The following AMOTL1 variants were observed in gnomAD, a reference collection of about 807,000 sequenced individuals.
AMOTL1 encodes the protein angiomotin-like protein 1.
Under a neutral mutation model 102.9 loss-of-function variants are expected in AMOTL1, and 45 were observed. The ratio of observed to expected loss-of-function variants is 0.44; its 90% confidence interval spans 0.34 to 0.56. The LOEUF (loss-of-function observed/expected upper bound fraction) is 0.56. AMOTL1 is among the 20% of genes least tolerant of loss of function. The pLI is 0.01. For synonymous variants in AMOTL1, 481 were observed against 484.7 expected (o/e 0.99, Z 0.10); for missense variants, 1,114 against 1,225.6 (o/e 0.91, Z 1.36).
intron 4 of AMOTL1, among the ~76,000 whole-genome samples, chr11:94,829,233 T>C (rs939178718): frequency 6.6e-6 from 1 of 151,734 alleles, no homozygotes; most frequent in Non-Finnish European, 1.5e-5. Context: ...TTTTTTTTTT[T>C]TTTTGGTGAG....
At chr11:94,855,113 A>G (rs1215583090) in intron 8 of AMOTL1, among the ~76,000 whole-genome samples, 2 of 152,208 alleles carry the variant, frequency 1.3e-5, no homozygotes, top group Non-Finnish European at 2.9e-5. Flanking sequence ...TTGGGATACC[A>G]GGGAAATGCA....
At chr11:94,718,708 TATTG>T (rs1173452776) in intron 1 of AMOTL1, among the ~76,000 whole-genome samples, 2 of 151,692 alleles carry the variant, frequency 1.3e-5, no homozygotes, top group African/African-American at 4.8e-5. Context: ...TTTGTTTATC[TATTG>T]ATTATCAGTT....
intron 1 of AMOTL1, among the ~76,000 whole-genome samples, chr11:94,777,165 A>AT (rs1185767092): frequency 6.6e-6 from 1 of 152,240 alleles, no homozygotes; most frequent in Non-Finnish European, 1.5e-5. Context: ...AGTAATTTTA[A>AT]AAGCATCACA....
At chr11:94,782,451 C>G (rs1951127514) in intron 1 of AMOTL1, among the ~76,000 whole-genome samples, 1 of 152,038 alleles carries the variant, frequency 6.6e-6, no homozygotes, top group Non-Finnish European at 1.5e-5. Flanking sequence ...TGAAATGTTT[C>G]AATGTATGGA....
chr11:94,864,988 C>T (rs1384451649), intron 10 of AMOTL1, 128 bp downstream of exon 10: 4 of 1,300,726 alleles, frequency 3.1e-6, no homozygotes, highest in South Asian at 2.2e-5. Flanking sequence ...TCTCCTCCCC[C>T]ATGCTGTGCC....
intron 6 of AMOTL1, among the ~76,000 whole-genome samples, chr11:94,836,161 A>G (rs1325268776): frequency 6.6e-6 from 1 of 152,228 alleles, no homozygotes; most frequent in Non-Finnish European, 1.5e-5. Flanking sequence ...TGACATAAAC[A>G]TTTATTCTGT....
At chr11:94,748,572 A>G (rs1591926351) in intron 3 of AMOTL1, among the ~76,000 whole-genome samples, 1 of 152,320 alleles carries the variant, frequency 6.6e-6, no homozygotes, top group East Asian at 1.9e-4. Context: ...AGTGGTTAAG[A>G]GCATGGGTAT....
At chr11:94,838,476 A>G (rs1258331894) in intron 6 of AMOTL1, among the ~76,000 whole-genome samples, 2 of 152,214 alleles carry the variant, frequency 1.3e-5, no homozygotes, top group Non-Finnish European at 2.9e-5. Flanking sequence ...CTGTCCCTGT[A>G]GCCCCAAAGC....
intron 1 of AMOTL1, among the ~76,000 whole-genome samples, chr11:94,789,055 G>A (rs1376660735): frequency 6.6e-6 from 1 of 152,156 alleles, no homozygotes; most frequent in Non-Finnish European, 1.5e-5. Context: ...TCCAAACCTC[G>A]GGTTTCAGGT....
intron 5 of AMOTL1, among the ~76,000 whole-genome samples, chr11:94,830,427 T>C (rs551526613): frequency 6.6e-6 from 1 of 152,384 alleles, no homozygotes; most frequent in East Asian, 1.9e-4. Flanking sequence ...ACAGCCTGTA[T>C]GCATGAGTCT....
Position 94,800,214 on chromosome 11 carries a change from C to T in AMOTL1, c.1024C>T (p.Leu342Phe), listed in dbSNP as rs1951450344. ...TTATGGTGACCAGCACCCCGGGATG[C>T]TCCACGAGATGGTCAAGCCCTACCC... ...LFYGDQHPGMLHEMVKPYPAP... is the reference protein window; with the variant it reads ...LFYGDQHPGMFHEMVKPYPAP... Residue 342 changes from leucine (L) to phenylalanine (F), a missense_variant, in exon 3 of 13, where the codon CTC (leucine) becomes TTC (phenylalanine). Physicochemically the swap from Leu to Phe is conservative, Grantham distance 22. Coordinates refer to ENST00000433060, the MANE Select transcript of AMOTL1 (RefSeq NM_130847.3). 1.2e-6 allele frequency: 2 copies of T among 1,613,994 alleles called. No individual in the cohort carries two copies. Among genetic ancestry groups the T allele is most frequent in the Non-Finnish European group, 1.7e-6 (2 of 1,179,890 alleles).
chr11:94,807,427 T>C (rs1372724534), intron 3 of AMOTL1, among the ~76,000 whole-genome samples: 1 of 152,232 alleles, frequency 6.6e-6, no homozygotes, highest in Non-Finnish European at 1.5e-5. Flanking sequence ...GCTGATTTTT[T>C]GGTTTATCCA....
intron 1 of AMOTL1, among the ~76,000 whole-genome samples, chr11:94,772,387 G>A (rs1263822748): frequency 6.6e-6 from 1 of 152,056 alleles, no homozygotes; most frequent in African/African-American, 2.4e-5. Flanking sequence ...TCCTCACTCT[G>A]TTGCTAAATG....
chr11:94,748,995 T>A (rs1024589508), intron 3 of AMOTL1, among the ~76,000 whole-genome samples: 3 of 152,200 alleles, frequency 2.0e-5, no homozygotes, highest in African/African-American at 7.2e-5. Flanking sequence ...TGCATTAGGG[T>A]TCTCCAGAGA....
At chr11:94,783,803 C>T (rs748961085) in intron 1 of AMOTL1, among the ~76,000 whole-genome samples, 6 of 152,214 alleles carry the variant, frequency 3.9e-5, no homozygotes, top group Non-Finnish European at 8.8e-5. Context: ...GGCAGATGCT[C>T]ACTGTCATAT....
chr11:94,869,524 G>A (rs1327054822), intron 12 of AMOTL1, 51 bp downstream of exon 12: 3 of 1,511,118 alleles, frequency 2.0e-6, no homozygotes, highest in Non-Finnish European at 1.8e-6. Flanking sequence ...GAACTGTCTG[G>A]CCTAAGAGAA....
rs867806937 is a variant in AMOTL1 at position 94,782,986 on chromosome 11, A to C, written c.50-12025A>C. ...TACATGAATTAACATATACTTTCTA[A>C]GCTTCAGTTTCAAATGCATTAAATA... On this transcript the variant is annotated intron_variant, in intron 1 of 12. Coordinates refer to ENST00000433060, the MANE Select transcript of AMOTL1 (RefSeq NM_130847.3). Among the ~76,000 whole-genome samples, 9 of 152,284 alleles carry C rather than the reference A, an allele frequency of 5.9e-5. 1 individual carries two copies. The Middle Eastern group carries it at 0.01, about 173-fold the overall frequency.
At chr11:94,862,121 C>T (rs577003359) in intron 9 of AMOTL1, among the ~76,000 whole-genome samples, 18 of 152,240 alleles carry the variant, frequency 1.2e-4, no homozygotes, top group African/African-American at 3.9e-4. Flanking sequence ...GTCACCCCTC[C>T]TTCTTTGCTT....
chr11:94,833,106 T>C (rs1246932516), intron 6 of AMOTL1, among the ~76,000 whole-genome samples: 1 of 152,248 alleles, frequency 6.6e-6, no homozygotes. Flanking sequence ...ATTTGTTCTG[T>C]GCAAATATGC....
Sources: allele counts gnomAD v4.1 joint callset (sites outside exome capture counted in the v4.1 genomes callset), GRCh38; gene constraint gnomAD v4.1.1; transcripts MANE v1.5; gene names NCBI Gene and HGNC (gene_info 2026-07-23, HGNC 2026-07-21).